PTCHD4: variants seen among roughly 807,000 people sequenced by gnomAD.
PTCHD4 encodes patched domain-containing protein 4.
PTCHD4 carries 33 observed loss-of-function variants against 58.1 expected under a neutral mutation model. The observed-to-expected ratio is 0.57, with a 90% CI of 0.43 to 0.76. PTCHD4 has a LOEUF of 0.76. Ranked by LOEUF, PTCHD4 falls within the 30% of genes least tolerant of loss-of-function variation. PTCHD4 has a pLI of 0.00. For missense variants in PTCHD4, 1,058 were observed against 1,027.1 expected (o/e 1.03, Z -0.41); for synonymous variants, 478 against 409.6 (o/e 1.17, Z -2.02).
intron 3 of PTCHD4, among the ~76,000 whole-genome samples, chr6:48,055,264 G>A (rs894496312): frequency 2.6e-5 from 4 of 151,962 alleles, no homozygotes; most frequent in Non-Finnish European, 2.9e-5. Flanking sequence ...GGATAAAAAA[G>A]ACATGCAACC....
At chr6:48,003,338 C>G (rs915984748) in intron 4 of PTCHD4, among the ~76,000 whole-genome samples, 6 of 152,114 alleles carry the variant, frequency 3.9e-5, no homozygotes, top group Admixed American at 3.3e-4. Context: ...ACAGTGAATT[C>G]CTCTCATGAC....
chr6:47,963,371 C>G lies in PTCHD4; in HGVS notation c.898+45263G>C, dbSNP rs111723888. ...GTAAGAATATGGAAAAATTGGAACC[C>G]TTGTACACTACTGGTGGAAAAATAA... On this transcript the variant is annotated intron_variant, in intron 4 of 4. Coordinates refer to ENST00000339488, the MANE Select transcript of PTCHD4 (RefSeq NM_001384253.1). Among the ~76,000 whole-genome samples the G allele has an allele frequency of 8.5e-3, 1,285 of 152,028 alleles. 13 individuals are homozygous for G. The highest frequency in any genetic ancestry group is 0.033 in the South Asian group (157 of 4,806).
chr6:47,926,840 T>A (rs1581889778), intron 4 of PTCHD4, among the ~76,000 whole-genome samples: 1 of 152,204 alleles, frequency 6.6e-6, no homozygotes, highest in East Asian at 1.9e-4. Context: ...ACTGTATATC[T>A]AAAGTATTAG....
At chr6:47,905,807 C>T (rs751127822) in intron 4 of PTCHD4, among the ~76,000 whole-genome samples, 1 of 152,182 alleles carries the variant, frequency 6.6e-6, no homozygotes, top group Non-Finnish European at 1.5e-5. Context: ...GTAACTGCAT[C>T]TCTCAACCTC....
intron 4 of PTCHD4, among the ~76,000 whole-genome samples, chr6:47,965,193 T>C (rs912540721): frequency 1.8e-4 from 27 of 152,212 alleles, no homozygotes; most frequent in African/African-American, 6.5e-4. Flanking sequence ...CTTGTGTTAG[T>C]GCTTCAGTAA....
intron 1 of PTCHD4, among the ~76,000 whole-genome samples, chr6:48,104,930 A>G (rs1765687279): frequency 6.6e-6 from 1 of 152,236 alleles, no homozygotes; most frequent in African/African-American, 2.4e-5. Context: ...CACCCAATAC[A>G]GGAGCACCCA....
chr6:47,891,221 C>CAAAAA (rs35503136), intron 4 of PTCHD4, among the ~76,000 whole-genome samples: 1 of 83,338 alleles, frequency 1.2e-5, no homozygotes, highest in Non-Finnish European at 2.3e-5. Context: ...GACTGTGTCT[C>CAAAAA]AAAAAAAAAA....
chr6:47,968,223 A>G (rs1446289414), intron 4 of PTCHD4, among the ~76,000 whole-genome samples: 3 of 152,000 alleles, frequency 2.0e-5, no homozygotes, highest in African/African-American at 7.3e-5. Context: ...AGTGGGGGAG[A>G]TGAGGGAAAG....
intron 3 of PTCHD4, among the ~76,000 whole-genome samples, chr6:48,065,309 T>C (rs1764759972): frequency 6.6e-6 from 1 of 152,204 alleles, no homozygotes; most frequent in Non-Finnish European, 1.5e-5. Flanking sequence ...TTCCTAATTT[T>C]CTGCCTTCCA....
chr6:47,938,550 C>T (rs569162807), intron 4 of PTCHD4, among the ~76,000 whole-genome samples: 6 of 152,220 alleles, frequency 3.9e-5, no homozygotes, highest in African/African-American at 4.8e-5. Context: ...CAACTAAAGG[C>T]GATGGGAGAG....
rs1356533407 is a variant in PTCHD4 at position 47,877,000 on chromosome 6, C to T, written c.*1303G>A. 2.0e-5 allele frequency among the ~76,000 whole-genome samples: 3 copies of T among 151,942 alleles called. No individual in the cohort carries two copies. Reference sequence around the variant, plus strand: ...ACAAGAGCAACACTATTGTGAGAAGCTACAAATGGTACTGCAGTAGGTGTA... The same window carrying T: ...ACAAGAGCAACACTATTGTGAGAAGTTACAAATGGTACTGCAGTAGGTGTA... On this transcript the variant is annotated 3_prime_UTR_variant, in exon 5 of 5. Transcript: ENST00000339488.
intron 1 of PTCHD4, among the ~76,000 whole-genome samples, chr6:48,095,684 G>A (rs900785389): frequency 4.7e-5 from 7 of 148,442 alleles, no homozygotes; most frequent in African/African-American, 1.7e-4. Context: ...GCAAGACTCC[G>A]TCTCAAAAAC....
At chr6:47,973,858 C>T (rs1403519608) in intron 4 of PTCHD4, among the ~76,000 whole-genome samples, 2 of 152,062 alleles carry the variant, frequency 1.3e-5, no homozygotes, top group Non-Finnish European at 2.9e-5. Context: ...GAAATCCTAC[C>T]ATTATTAATC....
chr6:47,920,748 T>C (rs1765405188), intron 4 of PTCHD4, among the ~76,000 whole-genome samples: 1 of 152,060 alleles, frequency 6.6e-6, no homozygotes, highest in East Asian at 1.9e-4. Flanking sequence ...CAAGTACACA[T>C]AGTGTAAAGA....
chr6:47,912,459 C>G (rs1279651976), intron 4 of PTCHD4, among the ~76,000 whole-genome samples: 1 of 152,098 alleles, frequency 6.6e-6, no homozygotes, highest in Non-Finnish European at 1.5e-5. Context: ...GTATCCTTGA[C>G]CATTGCGTCC....
At chr6:47,936,621 G>T (rs1766007324) in intron 4 of PTCHD4, among the ~76,000 whole-genome samples, 1 of 152,070 alleles carries the variant, frequency 6.6e-6, no homozygotes, top group Admixed American at 6.6e-5. Context: ...CTATTTATAA[G>T]ACACAAACAC....
chr6:47,924,329 G>A (rs1765527797), intron 4 of PTCHD4, among the ~76,000 whole-genome samples: 1 of 152,132 alleles, frequency 6.6e-6, no homozygotes, highest in African/African-American at 2.4e-5. Flanking sequence ...GAGAGAAAGA[G>A]AAAGATGTTT....
intron 1 of PTCHD4, among the ~76,000 whole-genome samples, chr6:48,093,377 A>C (rs999649443): frequency 1.3e-5 from 2 of 152,126 alleles, no homozygotes; most frequent in African/African-American, 4.8e-5. Flanking sequence ...ATGCATTTTA[A>C]AGTATTATAG....
chr6:47,901,630 A>G (rs1764707434), intron 4 of PTCHD4: 3 of 1,091,666 alleles, frequency 2.7e-6, no homozygotes, highest in East Asian at 6.8e-5. Context: ...AAAAGACAGT[A>G]TGGGTTACAG....
Sources: gnomAD v4.1 joint callset for allele counts (sites outside exome capture counted in the v4.1 genomes callset) on GRCh38, gnomAD v4.1.1 for gene constraint, MANE v1.5 for transcripts, NCBI Gene and HGNC (gene_info 2026-07-23, HGNC 2026-07-21) for gene names.